The following KCNIP4 variants were observed in gnomAD, a reference collection of about 807,000 sequenced individuals.
The protein encoded by KCNIP4 is potassium voltage-gated channel interacting protein 4, also known as Kv channel-interacting protein 4.
KCNIP4 carries 12 observed loss-of-function variants against 34.0 expected under a neutral mutation model. The ratio of observed to expected loss-of-function variants is 0.35; its 90% CI spans 0.23 to 0.57. The LOEUF (loss-of-function observed/expected upper bound fraction) is 0.57, where lower values mean the gene tolerates loss of function less well. KCNIP4 is among the 20% of genes least tolerant of loss of function. The pLI is 0.83. For missense variants in KCNIP4, 238 were observed against 311.7 expected (o/e 0.76, Z 1.78); for synonymous variants, 124 against 102.2 (o/e 1.21, Z -1.29).
chr4:21,710,702 G>A (rs1157358986), intron 1 of KCNIP4, among the ~76,000 whole-genome samples: 1 of 152,154 alleles, frequency 6.6e-6, no homozygotes, highest in African/African-American at 2.4e-5. Context: ...AAGGACTAAA[G>A]TTGGGCAAGC....
intron 1 of KCNIP4, among the ~76,000 whole-genome samples, chr4:21,573,460 C>A (rs1049190266): frequency 6.6e-6 from 1 of 152,040 alleles, no homozygotes; most frequent in Non-Finnish European, 1.5e-5. Context: ...ATTTCTAAAT[C>A]ATTGATTTCT....
intron 1 of KCNIP4, among the ~76,000 whole-genome samples, chr4:21,350,301 G>A (rs1240637980): frequency 6.6e-6 from 1 of 152,074 alleles, no homozygotes; most frequent in East Asian, 1.9e-4. Context: ...TGATTAAGAT[G>A]AGGAATCTCT....
intron 1 of KCNIP4, among the ~76,000 whole-genome samples, chr4:21,373,355 TA>T (rs148611917): frequency 2.0e-5 from 3 of 146,466 alleles, no homozygotes; most frequent in African/African-American, 5.5e-5. Context: ...AGATAAAATA[TA>T]AAAAAAATTT....
At chr4:21,108,447 A>G (rs1419365908) in intron 1 of KCNIP4, among the ~76,000 whole-genome samples, 2 of 151,582 alleles carry the variant, frequency 1.3e-5, no homozygotes, top group Non-Finnish European at 2.9e-5. Flanking sequence ...TTTCACCTCC[A>G]TCAGCTCCTT....
At chr4:21,312,568 G>A (rs1044119561) in intron 1 of KCNIP4, among the ~76,000 whole-genome samples, 5 of 152,138 alleles carry the variant, frequency 3.3e-5, no homozygotes, top group African/African-American at 9.7e-5. Flanking sequence ...AAGAATAGAC[G>A]GGGGTTCCTT....
chr4:20,915,470 T>C (rs1728723894), intron 1 of KCNIP4, among the ~76,000 whole-genome samples: 2 of 152,180 alleles, frequency 1.3e-5, no homozygotes, highest in Non-Finnish European at 2.9e-5. Flanking sequence ...TTACAAGCAA[T>C]CTATTAAAAT....
chr4:21,141,366 T>C (rs529345854), intron 1 of KCNIP4, among the ~76,000 whole-genome samples: 97 of 152,134 alleles, frequency 6.4e-4, no homozygotes, highest in African/African-American at 2.3e-3. Context: ...GAACAGGGAG[T>C]CTCTGTTTTC....
At chr4:20,796,727 G>T (rs1044761980) in intron 3 of KCNIP4, among the ~76,000 whole-genome samples, 1 of 151,356 alleles carries the variant, frequency 6.6e-6, no homozygotes, top group Non-Finnish European at 1.5e-5. Flanking sequence ...AAAAGTTTAG[G>T]ACCCCAAATA....
chr4:21,694,933 A>AAAAAAAAAAAT (rs1553921799), intron 1 of KCNIP4, among the ~76,000 whole-genome samples: 1 of 61,458 alleles, frequency 1.6e-5, no homozygotes, highest in African/African-American at 4.3e-5. Context: ...AAAAAAAATA[A>AAAAAAAAAAAT]AAATAAATAA....
At chr4:21,323,250 T>C (rs1487759231) in intron 1 of KCNIP4, among the ~76,000 whole-genome samples, 1 of 151,588 alleles carries the variant, frequency 6.6e-6, no homozygotes, top group Non-Finnish European at 1.5e-5. Flanking sequence ...CAAGCTTTTA[T>C]CCTTTCTTTG....
chr4:20,958,520 G>C (rs1046318887), intron 1 of KCNIP4, among the ~76,000 whole-genome samples: 1 of 152,150 alleles, frequency 6.6e-6, no homozygotes, highest in Non-Finnish European at 1.5e-5. Flanking sequence ...TGATGAAGAG[G>C]AATACGTAAA....
chr4:21,602,122 C>T (rs1280690970), intron 1 of KCNIP4, among the ~76,000 whole-genome samples: 1 of 151,964 alleles, frequency 6.6e-6, no homozygotes, highest in African/African-American at 2.4e-5. Context: ...CTTCTTCAAC[C>T]TTGGGCACTG....
intron 1 of KCNIP4, among the ~76,000 whole-genome samples, chr4:21,112,430 G>A (rs140032460): frequency 7.2e-5 from 11 of 152,292 alleles, no homozygotes; most frequent in African/African-American, 2.2e-4. Context: ...GCCAAAAATC[G>A]GAGGTCCAGA....
intron 1 of KCNIP4, among the ~76,000 whole-genome samples, chr4:21,452,063 G>T (rs994850648): frequency 6.6e-6 from 1 of 152,000 alleles, no homozygotes. Flanking sequence ...CCTTCCAGAA[G>T]CTGGGAAGGA....
intron 1 of KCNIP4, among the ~76,000 whole-genome samples, chr4:21,330,203 G>A (rs1046719587): frequency 3.9e-5 from 6 of 152,236 alleles, no homozygotes; most frequent in African/African-American, 1.2e-4. Flanking sequence ...GAGGCATCAC[G>A]AAATATTTGA....
intron 1 of KCNIP4, among the ~76,000 whole-genome samples, chr4:21,867,673 A>G (rs1392536139): frequency 6.6e-6 from 1 of 152,254 alleles, no homozygotes; most frequent in African/African-American, 2.4e-5. Context: ...CAAAACCTCT[A>G]CATGGAAAAA....
At chr4:20,972,410 G>A (rs1735046430) in intron 1 of KCNIP4, among the ~76,000 whole-genome samples, 1 of 152,190 alleles carries the variant, frequency 6.6e-6, no homozygotes, top group South Asian at 2.1e-4. Flanking sequence ...GCTGAAGAAT[G>A]GATGTTGTGT....
intron 1 of KCNIP4, among the ~76,000 whole-genome samples, chr4:21,032,529 A>C (rs1286068058): frequency 6.6e-6 from 1 of 152,134 alleles, no homozygotes; most frequent in Non-Finnish European, 1.5e-5. Flanking sequence ...TTCAAGGAAT[A>C]TATTTCTTTG....
rs10653275 is a variant in KCNIP4 at position 20,919,407 on chromosome 4, T to TA, written c.62-36699dup. 2.1e-3 allele frequency among the ~76,000 whole-genome samples: 308 copies of TA among 148,116 alleles called. 1 individual carries two copies. Among genetic ancestry groups the TA allele is most frequent in the African/African-American group, 4.6e-3 (184 of 40,354 alleles). ...CTTCTTACTCTCATTTTTTCCACAT[T>TA]AAAAAAAAAAGATAGATCGGGCGCG... On this transcript the variant is annotated intron_variant, in intron 1 of 8. Coordinates refer to ENST00000382152, the MANE Select transcript of KCNIP4 (RefSeq NM_025221.6).
Sources: gnomAD v4.1 joint callset for allele counts (sites outside exome capture counted in the v4.1 genomes callset) on GRCh38, gnomAD v4.1.1 for gene constraint, MANE v1.5 for transcripts, NCBI Gene and HGNC (gene_info 2026-07-23, HGNC 2026-07-21) for gene names.